The following PTPRS variants were observed in gnomAD, a reference collection of about 807,000 sequenced individuals.
PTPRS encodes receptor-type tyrosine-protein phosphatase S.
A neutral mutation model predicts 215.3 loss-of-function variants in PTPRS; 63 were observed. The observed-to-expected ratio is 0.29, with a 90% CI of 0.24 to 0.36. The LOEUF (loss-of-function observed/expected upper bound fraction) is 0.36. PTPRS is among the 10% of genes least tolerant of loss of function. The probability of loss-of-function intolerance (pLI) is 1.00; values close to 1 mark genes in which losing one functional copy is unlikely to be tolerated. For synonymous variants in PTPRS, 1,404 were observed against 1,191.4 expected (o/e 1.18, Z -3.68); for missense variants, 2,258 against 2,825.8 (o/e 0.80, Z 4.56).
intron 9 of PTPRS, among the ~76,000 whole-genome samples, chr19:5,254,922 G>A (rs925714876): frequency 1.1e-4 from 17 of 152,316 alleles, no homozygotes; most frequent in Admixed American, 3.3e-4. Context: ...ATTACACACC[G>A]AGTATGCATG....
At position 5,239,314 on chromosome 19, in the gene PTPRS, G is replaced by A. The variant is rs189846927; in HGVS notation, c.1705-251C>T. Reference sequence around the variant, plus strand: ...AGAGGGTACGGAGAGAGACAGAGACGGAGAGAGACAGAGACAGAGAGAAAC... The same window carrying A: ...AGAGGGTACGGAGAGAGACAGAGACAGAGAGAGACAGAGACAGAGAGAAAC... On this transcript the variant is annotated intron_variant, in intron 12 of 37. Transcript: ENST00000262963. Among the ~76,000 whole-genome samples, 207 of 151,096 alleles carry A rather than the reference G, an allele frequency of 1.4e-3. 3 individuals carry two copies. The East Asian group carries it at 0.034, about 25-fold the overall frequency.
At chr19:5,284,376 A>AAAATAAATAAAT (rs367661299) in intron 2 of PTPRS, among the ~76,000 whole-genome samples, 3 of 119,520 alleles carry the variant, frequency 2.5e-5, no homozygotes, top group African/African-American at 5.4e-5. Flanking sequence ...TTAATTAATT[A>AAAATAAATAAAT]AAATAAATAA....
Position 5,220,243 on chromosome 19 carries a change from G to A in PTPRS, c.3549+17C>T. ...GGAATGCATCTGGGCCCTGCGGGTT[G>A]GGCCCCAGGCCCTCACCTCTTCCAG... On this transcript the variant is annotated intron_variant, in intron 21 of 37. Transcript: ENST00000262963. 6 of 1,612,602 alleles carry A rather than the reference G, an allele frequency of 3.7e-6. No homozygotes were observed. The highest frequency in any genetic ancestry group is 5.1e-6 in the Non-Finnish European group (6 of 1,179,132).
intron 2 of PTPRS, among the ~76,000 whole-genome samples, chr19:5,278,653 T>A (rs1222302983): frequency 6.6e-6 from 1 of 150,648 alleles, no homozygotes; most frequent in Non-Finnish European, 1.5e-5. Flanking sequence ...TTTTGTATTT[T>A]TAGTAGAGAC....
At chr19:5,311,657 G>A (rs1406118324) in intron 1 of PTPRS, among the ~76,000 whole-genome samples, 2 of 152,206 alleles carry the variant, frequency 1.3e-5, no homozygotes, top group Non-Finnish European at 2.9e-5. Flanking sequence ...GCTGTTCAGG[G>A]GAGACCCGAG....
chr19:5,326,028 C>T (rs1391644184), intron 1 of PTPRS, among the ~76,000 whole-genome samples: 2 of 152,030 alleles, frequency 1.3e-5, no homozygotes, highest in East Asian at 1.9e-4. Flanking sequence ...GTCAGGAGTT[C>T]GAAACCAGCC....
At position 5,223,133 on chromosome 19, in the gene PTPRS, C is replaced by T. The variant is rs1007529586; in HGVS notation, c.2659G>A (p.Glu887Lys). ...ACGCCTGATGCCGTGTAGCGGTCCT[C>T]GGAGGGCGGGAACTCCAGGGTGGCC... is the stretch of plus-strand genomic sequence containing the variant. ...PLATLEFPPS[E>K]DRYTASGVHK... Residue 887 changes from glutamate to lysine, a missense_variant, in exon 18 of 38, where the codon GAG becomes AAG. Coordinates refer to ENST00000262963, the MANE Select transcript of PTPRS (RefSeq NM_002850.4). The T allele has an allele frequency of 1.3e-5, 21 of 1,569,982 alleles. No homozygotes were observed. The highest frequency in any genetic ancestry group is 4.1e-5 in the African/African-American group (3 of 73,256).
chr19:5,220,846 C>T (rs1320360483), intron 20 of PTPRS, among the ~76,000 whole-genome samples, 154 bp downstream of exon 20: 1 of 152,110 alleles, frequency 6.6e-6, no homozygotes. Flanking sequence ...CCATGAGAAG[C>T]ATTGAATCTT....
At chr19:5,208,186 G>C (rs558477624) in intron 36 of PTPRS, 51 bp downstream of exon 36, 1 of 1,558,764 alleles carries the variant, frequency 6.4e-7, no homozygotes, top group African/African-American at 1.4e-5. Context: ...TCCCCACCAG[G>C]CCTCAGTTTC....
At chr19:5,276,789 G>T (rs1025056922) in intron 2 of PTPRS, among the ~76,000 whole-genome samples, 10 of 151,626 alleles carry the variant, frequency 6.6e-5, no homozygotes, top group Admixed American at 4.6e-4. Context: ...TGATCCGCCC[G>T]CCTCAGTCTC....
intron 1 of PTPRS, among the ~76,000 whole-genome samples, chr19:5,296,899 G>A (rs1372032609): frequency 6.6e-6 from 1 of 152,160 alleles, no homozygotes; most frequent in Non-Finnish European, 1.5e-5. Context: ...CAGACTGTGG[G>A]GGATGACTAG....
chr19:5,286,117 G>A lies in PTPRS; in HGVS notation c.24C>T (p.Gly8=). ...CCATGGGACCAACCACAGACACCAT[G>A]CCAGGGCCCCAGGTGGGCGCCATGC... MAPTWGP[G]MVSVVGPMGL... is the part of the protein sequence containing the mutation. Residue 8 remains glycine (G), a synonymous_variant, in exon 2 of 38, where the codon GGC becomes GGT. Transcript: ENST00000262963. The A allele has an allele frequency of 6.2e-7, 1 of 1,614,144 alleles. No homozygotes were observed. Among genetic ancestry groups the A allele is most frequent in the Non-Finnish European group, 8.5e-7 (1 of 1,180,024 alleles).
Position 5,229,475 on chromosome 19 carries a change from C to T in PTPRS, c.2349+16G>A. 1 of 1,409,476 alleles carries T rather than the reference C, an allele frequency of 7.1e-7. No homozygotes were observed. 87.3% of individuals were successfully genotyped at this position (1,409,476 alleles called of 1,614,324 possible). On this transcript the variant is annotated intron_variant, in intron 15 of 37. Transcript: ENST00000262963. Reference sequence around the variant, plus strand: ...CCCGGAGCCCGTCCCCGGCCCCGCCCCGGCCCCCCGCCCACCTGGGCATCG... The same window carrying T: ...CCCGGAGCCCGTCCCCGGCCCCGCCTCGGCCCCCCGCCCACCTGGGCATCG...
intron 4 of PTPRS, among the ~76,000 whole-genome samples, chr19:5,268,716 G>C (rs974259700): frequency 6.6e-6 from 1 of 152,200 alleles, no homozygotes; most frequent in African/African-American, 2.4e-5. Context: ...CGGAACCTGT[G>C]ATCTCCTCCA....
intron 7 of PTPRS, among the ~76,000 whole-genome samples, chr19:5,259,514 C>T (rs2045822997): frequency 6.6e-6 from 1 of 152,120 alleles, no homozygotes; most frequent in Non-Finnish European, 1.5e-5. Context: ...AACTTGAGTG[C>T]CCACAAATAA....
Position 5,268,183 on chromosome 19 carries a change from AAATAAATT to A in PTPRS, c.380-2995_380-2988del, listed in dbSNP as rs1337783296. Among the ~76,000 whole-genome samples, 752 of 134,844 alleles carry A rather than the reference AAATAAATT, an allele frequency of 5.6e-3. 8 individuals are homozygous for A. The highest frequency in any genetic ancestry group is 0.018 in the African/African-American group (715 of 39,174). The allele number at this position is 134,844 out of a possible 152,430, so 88.5% of individuals were successfully genotyped here. On this transcript the variant is annotated intron_variant, in intron 4 of 37. Coordinates refer to ENST00000262963, the MANE Select transcript of PTPRS (RefSeq NM_002850.4). ...AGACTCCATCTCAAAATAAATAAAT[AAATAAATT>A]AATTAATTAATTAAATAAAGTTTTA... is the stretch of plus-strand genomic sequence containing the variant.
intron 6 of PTPRS, 88 bp downstream of exon 6, chr19:5,262,876 C>A: frequency 7.3e-7 from 1 of 1,370,148 alleles, no homozygotes; most frequent in Non-Finnish European, 1.0e-6. Context: ...ATCACGGTGG[C>A]TGTTAGTTTG....
In PTPRS at chr19:5,229,699, G is replaced by GC; in HGVS notation, c.2156-16_2156-15insG. ...CGCGCTGGGCACTGGCGGGCGGGAG[G>GC]GGAGGGGAGGGGCGGGCGGAGCCGT... On this transcript the variant is annotated splice_polypyrimidine_tract_variant and intron_variant, in intron 14 of 37. Transcript: ENST00000262963. 2 of 1,239,840 alleles carry GC rather than the reference G, an allele frequency of 1.6e-6. No homozygotes were observed. The highest frequency in any genetic ancestry group is 2.0e-6 in the Non-Finnish European group (2 of 990,536). The allele number at this position is 1,239,840 out of a possible 1,614,324, so 76.8% of individuals were successfully genotyped here. A position where few individuals can be genotyped will look rare whatever the true frequency, so the allele number is the denominator to read the frequency against.
intron 9 of PTPRS, among the ~76,000 whole-genome samples, chr19:5,252,171 G>A (rs893165769): frequency 6.6e-6 from 1 of 152,192 alleles, no homozygotes; most frequent in African/African-American, 2.4e-5. Context: ...CTGGTGTCAC[G>A]CAGCAGGTAC....
Sources: gnomAD v4.1 joint callset for allele counts (sites outside exome capture counted in the v4.1 genomes callset) on GRCh38, gnomAD v4.1.1 for gene constraint, MANE v1.5 for transcripts, NCBI Gene and HGNC (gene_info 2026-07-23, HGNC 2026-07-21) for gene names.